The following RRN3 variants were observed in gnomAD, a reference collection of about 807,000 sequenced individuals.
RRN3 encodes the protein RNA polymerase I-specific transcription initiation factor RRN3.
In RRN3, 38 loss-of-function variants were observed where a neutral mutation model predicts 82.3. That is an observed-to-expected ratio of 0.46 (90% CI 0.36 to 0.61). The LOEUF (loss-of-function observed/expected upper bound fraction) is 0.61, where lower values mean the gene tolerates loss of function less well. Among genes scored for constraint, RRN3 ranks in the 20% least tolerant of loss-of-function variants. The pLI, the probability that RRN3 is intolerant of heterozygous loss-of-function variation, is 0.00. For missense variants in RRN3, 726 were observed against 793.1 expected, an observed-to-expected ratio of 0.92 and a Z score of 1.02; for synonymous variants, 284 against 284.3, an observed-to-expected ratio of 1.00 and a Z score of 0.01.
Position 15,085,656 on chromosome 16 carries a change from G to A in RRN3, c.515C>T (p.Ser172Phe), listed in dbSNP as rs1252540227. The change falls in exon 6 of 18, where the codon TCT (serine) becomes TTT (phenylalanine). Residue 172 changes from serine (S) to phenylalanine (F), a missense_variant. Ser to Phe is a radical substitution (Grantham distance 155, BLOSUM62 -2). Coordinates refer to ENST00000198767, the MANE Select transcript of RRN3 (RefSeq NM_018427.5). ...ATACTTACTATCATCTTCATCATCAGAATCTGAAACATCTACATCGCCTTC... is the reference window on the plus strand; with the variant it reads ...ATACTTACTATCATCTTCATCATCAAAATCTGAAACATCTACATCGCCTTC... ...IKEGDVDVSD[S>F]DDEDDNLPAN... 1.2e-6 allele frequency: 2 copies of A among 1,613,310 alleles called. No individual in the cohort carries two copies. The highest frequency in any genetic ancestry group is 2.2e-5 in the East Asian group (1 of 44,870).
intron 9 of RRN3, among the ~76,000 whole-genome samples, chr16:15,076,976 ATC>A (rs2045483272): frequency 1.8e-5 from 2 of 111,596 alleles, no homozygotes; most frequent in Non-Finnish European, 3.9e-5. Context: ...CCCCACCCAA[ATC>A]ACTTTTTTTT....
intron 9 of RRN3, among the ~76,000 whole-genome samples, chr16:15,079,159 C>T (rs1177490805): frequency 3.5e-5 from 3 of 85,646 alleles, no homozygotes; most frequent in Non-Finnish European, 6.5e-5. Context: ...AGATTCAATT[C>T]CACAGGGAGC....
intron 5 of RRN3, 145 bp from the exon 6 acceptor site, chr16:15,085,843 A>G (rs2045896981): frequency 7.8e-7 from 1 of 1,285,826 alleles, no homozygotes; most frequent in South Asian, 1.5e-5. Flanking sequence ...TGATTAATTA[A>G]ACGCACAATC....
chr16:15,088,115 T>C (rs1297070268), intron 3 of RRN3, among the ~76,000 whole-genome samples: 1 of 150,844 alleles, frequency 6.6e-6, no homozygotes, highest in East Asian at 1.9e-4. Context: ...AAACTCCGTC[T>C]CAAAAAGAAA....
intron 7 of RRN3, among the ~76,000 whole-genome samples, chr16:15,083,913 T>G (rs1416173282): frequency 6.6e-6 from 1 of 152,098 alleles, no homozygotes; most frequent in African/African-American, 2.4e-5. Context: ...ACGGGGTTTC[T>G]CCATGTTGGT....
chr16:15,082,561 T>G (rs1382128277), intron 8 of RRN3, among the ~76,000 whole-genome samples: 2 of 151,962 alleles, frequency 1.3e-5, no homozygotes, highest in Non-Finnish European at 2.9e-5. Flanking sequence ...TAGTCCCACC[T>G]ACTCGGGAGG....
rs780378934 is a variant in RRN3, at chr16:15,061,813, C to T, written c.1887G>A (p.Thr629=). The T allele has an allele frequency of 6.2e-6, 10 of 1,614,032 alleles. No homozygotes were observed. The highest frequency in any genetic ancestry group is 2.2e-5 in the East Asian group (1 of 44,896). Residue 629 remains threonine (T), a synonymous_variant, in exon 18 of 18, where the codon ACG becomes ACA. Transcript: ENST00000198767. ...CACTACTTGAAGGACTTCGGAAATG[C>T]GTGTCAAAGGAGCTTGGTGTGATCC... ...VIGITPSSFD[T]HFRSPSSSVG... is the part of the protein sequence containing the mutation.
rs758762951 is a variant in RRN3, at chr16:15,061,746, A to C, written c.1954T>G (p.Ter652GlyextTer9). The change falls in exon 18 of 18, where the codon TGA (stop) becomes GGA (glycine). Residue 652 changes from the stop codon to glycine, a stop_lost. Transcript: ENST00000198767. ...ATCTCAGTCACAAATTTCTGCCGTC[A>C]GAGGGGACTGGGTTGCATGTACAAC... Reference protein sequence around the residue: ...PVLYMQPSPL* With the variant: ...PVLYMQPSPLG The C allele has an allele frequency of 1.2e-6, 2 of 1,606,440 alleles. No homozygotes were observed. Among genetic ancestry groups the C allele is most frequent in the East Asian group, 4.5e-5 (2 of 44,636 alleles).
chr16:15,093,888 G>T, intron 1 of RRN3: 1 of 524,104 alleles, frequency 1.9e-6, no homozygotes, highest in Non-Finnish European at 3.3e-6. Context: ...CAGTACCCAG[G>T]CCTGGGAAAT....
chr16:15,093,316 T>G (rs144254225), intron 1 of RRN3, among the ~76,000 whole-genome samples: 1,697 of 152,320 alleles, frequency 0.011, 28 homozygotes, highest in Non-Finnish European at 0.015. Context: ...GATTTTTGTC[T>G]TCATTCAAGT....
intron 14 of RRN3, among the ~76,000 whole-genome samples, chr16:15,069,345 G>A (rs928179430): frequency 6.6e-6 from 1 of 152,164 alleles, no homozygotes; most frequent in Non-Finnish European, 1.5e-5. Flanking sequence ...GCAGGGTTCA[G>A]AGACCCCGGT....
intron 9 of RRN3, among the ~76,000 whole-genome samples, chr16:15,076,888 T>C (rs2045479470): frequency 6.6e-6 from 1 of 152,110 alleles, no homozygotes; most frequent in Non-Finnish European, 1.5e-5. Context: ...AATCGACAAC[T>C]ATCACATGAT....
At position 15,072,997 on chromosome 16, in the gene RRN3, A is replaced by G; in HGVS notation, c.1081T>C (p.Ser361Pro). Residue 361 changes from serine (S) to proline (P), a missense_variant, in exon 12 of 18, where the codon TCC becomes CCC. Around this residue, in one of 4 missense-constraint regions of RRN3, gnomAD observed 344 missense variants for 394.5 expected, o/e 0.87. Coordinates refer to ENST00000198767, the MANE Select transcript of RRN3 (RefSeq NM_018427.5). ...AACATGAAAAACTGTACATGGCAGG[A>G]GGCATGGGTGGGCAACAGGAGTTTG... is the stretch of plus-strand genomic sequence containing the variant. ...FDKLLLPTHA[S>P]CHVQFFMFYL... 1 of 1,613,736 alleles carries G rather than the reference A, an allele frequency of 6.2e-7. No individual in the cohort carries two copies. Among genetic ancestry groups the G allele is most frequent in the East Asian group, 2.2e-5 (1 of 44,880 alleles).
At chr16:15,080,315 A>C (rs1409950440) in intron 8 of RRN3, among the ~76,000 whole-genome samples, 3 of 152,212 alleles carry the variant, frequency 2.0e-5, no homozygotes, top group Non-Finnish European at 4.4e-5. Context: ...TTGCATAACT[A>C]TAGGTTTTTA....
rs551522493 is a variant in RRN3 at position 15,085,802 on chromosome 16, G to C, written c.473-104C>G. The C allele has an allele frequency of 9.9e-4, 1,474 of 1,486,606 alleles. 2 individuals carry two copies. Among genetic ancestry groups the C allele is most frequent in the Non-Finnish European group, 1.2e-3 (1,343 of 1,101,430 alleles). The allele number at this position is 1,486,606 out of a possible 1,614,324, so 92.1% of individuals were successfully genotyped here. A position where few individuals can be genotyped will look rare whatever the true frequency, so the allele number is the denominator to read the frequency against. Reference sequence around the variant, plus strand: ...TAGACAATGAACAGCTATAAAAAAAGTTATTTTTCCATAATCCAAAGTTAG... The same window carrying C: ...TAGACAATGAACAGCTATAAAAAAACTTATTTTTCCATAATCCAAAGTTAG... On this transcript the variant is annotated intron_variant, in intron 5 of 17. Coordinates refer to ENST00000198767, the MANE Select transcript of RRN3 (RefSeq NM_018427.5).
intron 13 of RRN3, 40 bp downstream of exon 13, chr16:15,071,081 G>C (rs767841351): frequency 6.5e-6 from 10 of 1,546,164 alleles, no homozygotes; most frequent in Non-Finnish European, 8.8e-6. Flanking sequence ...TCTTTTTAAA[G>C]CATGATATTA....
At chr16:15,090,880 T>G (rs1352423171) in intron 3 of RRN3, among the ~76,000 whole-genome samples, 6 of 151,926 alleles carry the variant, frequency 3.9e-5, no homozygotes, top group African/African-American at 1.2e-4. Flanking sequence ...TTTGTTTTTT[T>G]TTTTTTTTTG....
At chr16:15,064,936 G>A (rs1463643191) in intron 16 of RRN3, among the ~76,000 whole-genome samples, 2 of 152,188 alleles carry the variant, frequency 1.3e-5, no homozygotes, top group East Asian at 1.9e-4. Flanking sequence ...GGAGGCCGAG[G>A]CGGGCGGATC....
At chr16:15,083,380 C>A in intron 8 of RRN3, 133 bp downstream of exon 8, 1 of 1,391,162 alleles carries the variant, frequency 7.2e-7, no homozygotes, top group Non-Finnish European at 9.7e-7. Context: ...GCTTGGGCGA[C>A]AGAGTGAGAC....
Sources: allele counts gnomAD v4.1 joint callset (sites outside exome capture counted in the v4.1 genomes callset), GRCh38; gene constraint gnomAD v4.1.1; regional missense constraint gnomAD v4.1.1; transcripts MANE v1.5; gene names NCBI Gene and HGNC (gene_info 2026-07-23, HGNC 2026-07-21).